The following TMOD1 variants were observed in gnomAD, a reference collection of about 807,000 sequenced individuals.
TMOD1 encodes the protein tropomodulin 1, also known as tropomodulin-1.
A neutral mutation model predicts 40.6 loss-of-function variants in TMOD1; 17 were observed. The ratio of observed to expected loss-of-function variants is 0.42; its 90% CI spans 0.29 to 0.63. The LOEUF is 0.63. TMOD1 is among the 20% of genes least tolerant of loss of function. The pLI, the probability that TMOD1 is intolerant of heterozygous loss-of-function variation, is 0.22. For synonymous variants in TMOD1, 181 were observed against 175.0 expected, an observed-to-expected ratio of 1.03 and a Z score of -0.27; for missense variants, 391 against 447.6, an observed-to-expected ratio of 0.87 and a Z score of 1.14.
intron 7 of TMOD1, 32 bp downstream of exon 7, chr9:97,565,987 C>T: frequency 6.3e-7 from 1 of 1,588,496 alleles, no homozygotes; most frequent in Non-Finnish European, 8.6e-7. Flanking sequence ...TGCATTGTGG[C>T]TGGGGGCCTT....
intron 3 of TMOD1, among the ~76,000 whole-genome samples, chr9:97,548,327 A>C (rs943889274): frequency 2.0e-5 from 3 of 152,156 alleles, no homozygotes; most frequent in Admixed American, 2.0e-4. Context: ...AAACCATTCC[A>C]AATCCTGGAC....
chr9:97,529,411 C>T (rs1474586057), intron 2 of TMOD1, among the ~76,000 whole-genome samples: 1 of 152,072 alleles, frequency 6.6e-6, no homozygotes, highest in Non-Finnish European at 1.5e-5. Flanking sequence ...ATTCAACAAA[C>T]ACTTCAAGGG....
chr9:97,518,803 G>A (rs146399758), intron 1 of TMOD1, among the ~76,000 whole-genome samples: 200 of 152,322 alleles, frequency 1.3e-3, no homozygotes, highest in Middle Eastern at 3.4e-3. Flanking sequence ...TCCAGAGAGG[G>A]AGGTAGATGG....
At chr9:97,518,043 C>T (rs1362986746) in intron 1 of TMOD1, among the ~76,000 whole-genome samples, 1 of 152,236 alleles carries the variant, frequency 6.6e-6, no homozygotes, top group East Asian at 1.9e-4. Flanking sequence ...TTCCACACGT[C>T]CGCGATGGGC....
intron 9 of TMOD1, among the ~76,000 whole-genome samples, chr9:97,593,673 C>T (rs187574354): frequency 1.2e-4 from 19 of 152,174 alleles, no homozygotes; most frequent in East Asian, 5.8e-4. Context: ...CAAATTCTAT[C>T]TAAACAAAGT....
rs1826224826 is a variant in TMOD1 at position 97,600,264 on chromosome 9, G to A, written c.*566G>A. 1.0e-6 allele frequency: 1 copy of A among 986,656 alleles called. No homozygotes were observed. The highest frequency in any genetic ancestry group is 1.2e-6 in the Non-Finnish European group (1 of 830,616). 61.1% of individuals were successfully genotyped at this position (986,656 alleles called of 1,614,324 possible). A position where few individuals can be genotyped will look rare whatever the true frequency, so the allele number is the denominator to read the frequency against. On this transcript the variant is annotated 3_prime_UTR_variant, in exon 10 of 10. Transcript: ENST00000259365. Reference sequence around the variant, plus strand: ...AACAGATAGACAGACTGAAGCCACTGAACTCTGCCAGGAGTCAACATGAGA... The same window carrying A: ...AACAGATAGACAGACTGAAGCCACTAAACTCTGCCAGGAGTCAACATGAGA...
At chr9:97,587,821 G>A (rs1307391392) in intron 8 of TMOD1, among the ~76,000 whole-genome samples, 4 of 152,160 alleles carry the variant, frequency 2.6e-5, no homozygotes, top group Non-Finnish European at 5.9e-5. Context: ...GCCTCATCTA[G>A]ACATTTCATA....
At chr9:97,561,695 G>A (rs560419826) in intron 4 of TMOD1, among the ~76,000 whole-genome samples, 1 of 152,262 alleles carries the variant, frequency 6.6e-6, no homozygotes, top group Non-Finnish European at 1.5e-5. Context: ...CCTGGCCTTG[G>A]CCTCTTCCTA....
chr9:97,537,391 A>C (rs1281074914), intron 2 of TMOD1, among the ~76,000 whole-genome samples: 1 of 152,238 alleles, frequency 6.6e-6, no homozygotes, highest in African/African-American at 2.4e-5. Context: ...ACAAGCCCAC[A>C]AGGTTCTAGG....
chr9:97,525,740 T>C (rs1487234269), intron 2 of TMOD1, among the ~76,000 whole-genome samples: 2 of 152,244 alleles, frequency 1.3e-5, no homozygotes, highest in Non-Finnish European at 2.9e-5. Context: ...AGTCAGCATC[T>C]GTCACCCCAG....
At chr9:97,566,602 C>T (rs1011543093) in intron 7 of TMOD1, among the ~76,000 whole-genome samples, 19 of 151,848 alleles carry the variant, frequency 1.3e-4, no homozygotes, top group African/African-American at 3.4e-4. Context: ...GCCCAGGAGG[C>T]GGAGGTTGTA....
chr9:97,569,766 C>T (rs1290768031), intron 8 of TMOD1, among the ~76,000 whole-genome samples: 1 of 152,104 alleles, frequency 6.6e-6, no homozygotes, highest in Non-Finnish European at 1.5e-5. Flanking sequence ...TCATCAGTCT[C>T]AGTTTTCAGA....
intron 6 of TMOD1, 52 bp downstream of exon 6, chr9:97,564,220 C>T (rs1231525875): frequency 1.3e-6 from 2 of 1,545,158 alleles, no homozygotes; most frequent in African/African-American, 1.4e-5. Flanking sequence ...GAGGGGGAAC[C>T]ATGTCACCCA....
intron 1 of TMOD1, among the ~76,000 whole-genome samples, chr9:97,509,600 A>T (rs1328862186): frequency 6.6e-6 from 1 of 151,068 alleles, no homozygotes; most frequent in Non-Finnish European, 1.5e-5. Context: ...TCTGGGCTCA[A>T]GTGGTCCTCC....
Position 97,600,535 on chromosome 9 carries a change from C to T in TMOD1, c.*837C>T. The T allele has an allele frequency of 1.0e-6, 1 of 985,818 alleles. No homozygotes were observed. Among genetic ancestry groups the T allele is most frequent in the Non-Finnish European group, 1.2e-6 (1 of 830,260 alleles). The allele number at this position is 985,818 out of a possible 1,614,324, so 61.1% of individuals were successfully genotyped here. ...TTTGAAAACACCTTTCTATATTGCA[C>T]AGTGGGCAAATGGCTTATGTGAGGT... is the stretch of plus-strand genomic sequence containing the variant. On this transcript the variant is annotated 3_prime_UTR_variant, in exon 10 of 10. Transcript: ENST00000259365.
At chr9:97,538,761 C>G (rs1468743895) in intron 2 of TMOD1, among the ~76,000 whole-genome samples, 2 of 151,926 alleles carry the variant, frequency 1.3e-5, no homozygotes, top group African/African-American at 4.8e-5. Context: ...CTTTGGGAGG[C>G]CAAGGTGGGT....
chr9:97,504,265 G>A (rs1353512384), intron 1 of TMOD1, among the ~76,000 whole-genome samples: 5 of 152,154 alleles, frequency 3.3e-5, no homozygotes, highest in South Asian at 2.1e-4. Context: ...GATAGTATTC[G>A]TTGTGGTGAG....
At chr9:97,524,448 C>A in intron 2 of TMOD1, 140 bp downstream of exon 2, 1 of 989,326 alleles carries the variant, frequency 1.0e-6, no homozygotes. Context: ...GCAGATTTTT[C>A]TTTTAATGTG....
intron 8 of TMOD1, among the ~76,000 whole-genome samples, chr9:97,582,449 G>A (rs1176899455): frequency 1.4e-5 from 2 of 147,636 alleles, no homozygotes; most frequent in Non-Finnish European, 1.5e-5. Context: ...CTCCAGCTTT[G>A]TTCTTTTGGC....
Sources: gnomAD v4.1 joint callset for allele counts (sites outside exome capture counted in the v4.1 genomes callset) on GRCh38, gnomAD v4.1.1 for gene constraint, MANE v1.5 for transcripts, NCBI Gene and HGNC (gene_info 2026-07-23, HGNC 2026-07-21) for gene names.